The following ADCY8 variants were observed in gnomAD, a reference collection of about 807,000 sequenced individuals.
ADCY8 encodes the protein adenylate cyclase type 8.
ADCY8 carries 51 observed loss-of-function variants against 119.7 expected under a neutral mutation model. The observed-to-expected ratio is 0.43, with a 90% CI of 0.34 to 0.54. ADCY8 has a LOEUF of 0.54. Among genes scored for constraint, ADCY8 ranks in the 20% least tolerant of loss-of-function variants. The probability of loss-of-function intolerance (pLI) is 0.03; values close to 1 mark genes in which losing one functional copy is unlikely to be tolerated. For synonymous variants in ADCY8, 665 were observed against 651.0 expected (o/e 1.02, Z -0.33); for missense variants, 1,383 against 1,598.8 (o/e 0.87, Z 2.30).
rs115011868 is a variant in ADCY8 at position 130,849,671 on chromosome 8, G to A, written c.2343C>T (p.Thr781=). Residue 781 remains threonine, a synonymous_variant, in exon 10 of 18, where the codon ACC becomes ACT. Transcript: ENST00000286355. ...LRKTCCWINE[T]YLARNVIIFA... ...AGATGATGACGTTCCGGGCCAAATA[G>A]GTCTCATTAATCCAACAGCAAGTTT... 2.4e-4 allele frequency: 394 copies of A among 1,614,070 alleles called. 1 individual carries two copies. The African/African-American group carries it at 4.9e-3, about 20-fold the overall frequency.
intron 1 of ADCY8, among the ~76,000 whole-genome samples, chr8:131,000,281 G>A (rs998371983): frequency 6.6e-6 from 1 of 152,142 alleles, no homozygotes; most frequent in Non-Finnish European, 1.5e-5. Context: ...GCCCACTCAG[G>A]AGACAGGGGT....
At chr8:130,956,931 AC>A (rs1232113588) in intron 2 of ADCY8, among the ~76,000 whole-genome samples, 1 of 151,904 alleles carries the variant, frequency 6.6e-6, no homozygotes, top group Non-Finnish European at 1.5e-5. Context: ...TCCAATTAAA[AC>A]CCTTTTTCCT....
intron 2 of ADCY8, among the ~76,000 whole-genome samples, chr8:130,964,969 C>T (rs1363551864): frequency 6.6e-6 from 1 of 152,090 alleles, no homozygotes; most frequent in Non-Finnish European, 1.5e-5. Flanking sequence ...TCTCGTATGT[C>T]TTCTTTTGAG....
At position 130,903,966 on chromosome 8, in the gene ADCY8, T is replaced by C; in HGVS notation, c.1717A>G (p.Arg573Gly). The C allele has an allele frequency of 6.2e-7, 1 of 1,614,164 alleles. No homozygotes were observed. Among genetic ancestry groups the C allele is most frequent in the Non-Finnish European group, 8.5e-7 (1 of 1,180,018 alleles). Residue 573 changes from arginine (R) to glycine (G), a missense_variant, in exon 7 of 18, where the codon AGG becomes GGG. Coordinates refer to ENST00000286355, the MANE Select transcript of ADCY8 (RefSeq NM_001115.3). ...TTATGCTTCCTCAGGAATTCATTCC[T>C]CTCTTTACCATGGCCCTCTTCCACG... is the stretch of plus-strand genomic sequence containing the variant. ...YNVEEGHGKE[R>G]NEFLRKHNIE...
intron 5 of ADCY8, among the ~76,000 whole-genome samples, chr8:130,929,556 T>C (rs1368484687): frequency 1.3e-5 from 2 of 152,220 alleles, no homozygotes; most frequent in Non-Finnish European, 2.9e-5. Flanking sequence ...TCCTAACATA[T>C]GAGCTATCCT....
At chr8:130,876,234 A>G (rs1818559694) in intron 8 of ADCY8, among the ~76,000 whole-genome samples, 1 of 152,038 alleles carries the variant, frequency 6.6e-6, no homozygotes, top group African/African-American at 2.4e-5. Context: ...TATTTTTAGT[A>G]GGGGCAGGGT....
At chr8:130,987,890 T>C (rs1822451945) in intron 2 of ADCY8, among the ~76,000 whole-genome samples, 1 of 152,220 alleles carries the variant, frequency 6.6e-6, no homozygotes, top group African/African-American at 2.4e-5. Context: ...CAATCCATAA[T>C]AAATTCTCAC....
At chr8:130,887,797 T>C (rs745646126) in intron 7 of ADCY8, among the ~76,000 whole-genome samples, 2 of 152,152 alleles carry the variant, frequency 1.3e-5, no homozygotes, top group Non-Finnish European at 2.9e-5. Context: ...CATTAGTCAT[T>C]AGTAATGACC....
At chr8:130,998,181 A>T (rs1470301100) in intron 1 of ADCY8, among the ~76,000 whole-genome samples, 1 of 152,142 alleles carries the variant, frequency 6.6e-6, no homozygotes, top group Non-Finnish European at 1.5e-5. Flanking sequence ...TGGTGGTGGT[A>T]TGAGAGTGTG....
chr8:130,855,094 G>A (rs551925536), intron 9 of ADCY8, among the ~76,000 whole-genome samples: 81 of 135,360 alleles, frequency 6.0e-4, no homozygotes, highest in African/African-American at 2.4e-3. Context: ...AGCTGGGTAA[G>A]CACTGTCTCT....
intron 5 of ADCY8, among the ~76,000 whole-genome samples, chr8:130,916,985 C>G (rs899301581): frequency 6.6e-6 from 1 of 152,182 alleles, no homozygotes; most frequent in Non-Finnish European, 1.5e-5. Context: ...GTCTTGGCAC[C>G]ATGCTTACCC....
chr8:130,866,005 GT>G (rs917000347), intron 9 of ADCY8, among the ~76,000 whole-genome samples: 1 of 152,056 alleles, frequency 6.6e-6, no homozygotes, highest in African/African-American at 2.4e-5. Context: ...AGATCCTTTT[GT>G]TCCCCGGTGT....
At chr8:130,991,255 A>C (rs1195244673) in intron 1 of ADCY8, among the ~76,000 whole-genome samples, 1 of 152,152 alleles carries the variant, frequency 6.6e-6, no homozygotes. Context: ...GAATTTCTTT[A>C]TTTTCATGGC....
intron 7 of ADCY8, 52 bp downstream of exon 7, chr8:130,903,720 T>A: frequency 1.3e-6 from 2 of 1,590,592 alleles, no homozygotes; most frequent in South Asian, 1.1e-5. Flanking sequence ...GGATTGGAGA[T>A]GCACACGAGC....
At chr8:131,004,731 T>A (rs1823061218) in intron 1 of ADCY8, among the ~76,000 whole-genome samples, 1 of 152,178 alleles carries the variant, frequency 6.6e-6, no homozygotes, top group South Asian at 2.1e-4. Context: ...CCTGCCCTCT[T>A]GGAGCTTACA....
chr8:130,880,442 G>A (rs1458558887), intron 8 of ADCY8, among the ~76,000 whole-genome samples: 3 of 152,174 alleles, frequency 2.0e-5, no homozygotes, highest in African/African-American at 7.2e-5. Context: ...AATGTGATTG[G>A]TAGCATCTGA....
At chr8:130,951,841 C>A in intron 3 of ADCY8, 27 bp downstream of exon 3, 1 of 1,612,694 alleles carries the variant, frequency 6.2e-7, no homozygotes, top group African/African-American at 1.3e-5. Flanking sequence ...CATGCAAGAG[C>A]CGGGGCAAGG....
chr8:130,870,853 T>C (rs1421580419), intron 8 of ADCY8, among the ~76,000 whole-genome samples: 1 of 152,192 alleles, frequency 6.6e-6, no homozygotes, highest in Non-Finnish European at 1.5e-5. Flanking sequence ...TTGTCACTAT[T>C]TTATTGTGAG....
chr8:130,921,710 C>T (rs1250177484), intron 5 of ADCY8, among the ~76,000 whole-genome samples: 2 of 152,112 alleles, frequency 1.3e-5, no homozygotes, highest in African/African-American at 2.4e-5. Flanking sequence ...GCCTTGGCCT[C>T]CCAAAGTGCT....
Sources: allele counts gnomAD v4.1 joint callset (sites outside exome capture counted in the v4.1 genomes callset), GRCh38; gene constraint gnomAD v4.1.1; transcripts MANE v1.5; gene names NCBI Gene and HGNC (gene_info 2026-07-23, HGNC 2026-07-21).